Variants in COQ8B observed in about 807,000 individuals in gnomAD.
COQ8B encodes atypical kinase COQ8B, mitochondrial.
A neutral mutation model predicts 62.0 loss-of-function variants in COQ8B; 44 were observed. The ratio of observed to expected loss-of-function variants is 0.71; its 90% CI spans 0.56 to 0.91. The LOEUF (loss-of-function observed/expected upper bound fraction) is 0.91, where lower values mean the gene tolerates loss of function less well. Ranked by LOEUF, COQ8B falls within the 40% of genes least tolerant of loss-of-function variation. The pLI, the probability that COQ8B is intolerant of heterozygous loss-of-function variation, is 0.00. For synonymous variants in COQ8B, 252 were observed against 289.9 expected (o/e 0.87, Z 1.33); for missense variants, 649 against 731.6 (o/e 0.89, Z 1.30).
In COQ8B at chr19:40,696,044, A is replaced by G. The variant is rs2082012499; in HGVS notation, c.1154T>C (p.Leu385Pro). The change falls in exon 13 of 15, where the codon CTG becomes CCG. Residue 385 changes from leucine to proline, a missense_variant. Coordinates refer to ENST00000324464, the MANE Select transcript of COQ8B (RefSeq NM_024876.4). ...AAACTCCCGGCTTGCACCAAAGTCC[A>G]GCAGGGTCACCTGGAAGCAAGGAAT... ...YDASSHQVTLLDFGASREFGT... is the reference protein window; with the variant it reads ...YDASSHQVTLPDFGASREFGT... The G allele has an allele frequency of 6.2e-7, 1 of 1,614,096 alleles. No homozygotes were observed. Among genetic ancestry groups the G allele is most frequent in the Non-Finnish European group, 8.5e-7 (1 of 1,179,992 alleles).
chr19:40,702,972 T>C (rs1456682963), intron 9 of COQ8B, among the ~76,000 whole-genome samples: 2 of 151,532 alleles, frequency 1.3e-5, no homozygotes, highest in Admixed American at 6.6e-5. Flanking sequence ...CCCTCGTCCT[T>C]CATAGCACCA....
At chr19:40,713,960 G>GTC in intron 4 of COQ8B, 107 bp downstream of exon 4, 1 of 1,169,968 alleles carries the variant, frequency 8.5e-7, no homozygotes. Context: ...CTCTTTTTTT[G>GTC]TCTCTCTCTC....
rs1568435534 is a variant in COQ8B, at chr19:40,692,333, C to T, written c.1337G>A (p.Gly446Glu). ...AGGGCCCTGGGTGGCGAAAGGCTCCCCCAGGATCATCACTGCCTCCACGTG... is the reference window on the plus strand; with the variant it reads ...AGGGCCCTGGGTGGCGAAAGGCTCCTCCAGGATCATCACTGCCTCCACGTG... ...DAHVEAVMIL[G>E]EPFATQGPYD... Residue 446 changes from glycine (G) to glutamate (E), a missense_variant, in exon 15 of 15, where the codon GGG becomes GAG. Gly to Glu is a moderately conservative substitution (Grantham distance 98). Coordinates refer to ENST00000324464, the MANE Select transcript of COQ8B (RefSeq NM_024876.4). The T allele has an allele frequency of 1.2e-6, 2 of 1,613,680 alleles. No homozygotes were observed. The highest frequency in any genetic ancestry group is 1.7e-6 in the Non-Finnish European group (2 of 1,179,848).
At chr19:40,693,436 G>A (rs972316518) in intron 13 of COQ8B, among the ~76,000 whole-genome samples, 8 of 152,236 alleles carry the variant, frequency 5.3e-5, no homozygotes, top group East Asian at 1.9e-4. Flanking sequence ...TTTGAGCCCC[G>A]TGAGAGCAAG....
Position 40,714,293 on chromosome 19 carries a change from C to T in COQ8B, c.207G>A (p.Lys69=), listed in dbSNP as rs77640959. The change falls in exon 3 of 15, where the codon AAG becomes AAA. Residue 69 remains lysine (K), a synonymous_variant. Coordinates refer to ENST00000324464, the MANE Select transcript of COQ8B (RefSeq NM_024876.4). Reference sequence around the variant, plus strand: ...GTAATGATACCTGGGGCCGGGGTGTCTTCCTGGGACGGGCCTCCCGTGCCC... The same window carrying T: ...GTAATGATACCTGGGGCCGGGGTGTTTTCCTGGGACGGGCCTCCCGTGCCC... ...IRRAREARPR[K]TPRPQLSDRS... 2.1e-4 allele frequency: 343 copies of T among 1,612,992 alleles called. No homozygotes were observed. The African/African-American group carries it at 4.1e-3, about 19-fold the overall frequency.
chr19:40,713,864 G>A (rs2082162790), intron 4 of COQ8B, among the ~76,000 whole-genome samples: 1 of 150,462 alleles, frequency 6.6e-6, no homozygotes, highest in African/African-American at 2.4e-5. Flanking sequence ...GTGACAAAGT[G>A]AGACTCTGTC....
intron 4 of COQ8B, 123 bp downstream of exon 4, chr19:40,713,944 T>C (rs2082163626): frequency 9.4e-7 from 1 of 1,059,218 alleles, no homozygotes; most frequent in African/African-American, 1.6e-5. Flanking sequence ...GCCCTTGCCT[T>C]TGTCTCTCTT....
chr19:40,702,735 C>A, intron 9 of COQ8B, 42 bp from the exon 10 acceptor site: 1 of 1,583,480 alleles, frequency 6.3e-7, no homozygotes. Context: ...CCCCGAGCGC[C>A]CACTGGTGGA....
Position 40,693,054 on chromosome 19 carries a change from G to A in COQ8B, c.1210-17C>T, listed in dbSNP as rs1219204532. On this transcript the variant is annotated splice_polypyrimidine_tract_variant and intron_variant, in intron 13 of 14. Coordinates refer to ENST00000324464, the MANE Select transcript of COQ8B (RefSeq NM_024876.4). ...CTTCACCACCTGGGGAGACGGGTGG[G>A]AGTTAGAGGGACAAAGGCCGGGGCT... is the stretch of plus-strand genomic sequence containing the variant. 1 of 1,610,370 alleles carries A rather than the reference G, an allele frequency of 6.2e-7. No homozygotes were observed. The highest frequency in any genetic ancestry group is 8.5e-7 in the Non-Finnish European group (1 of 1,177,022).
intron 5 of COQ8B, among the ~76,000 whole-genome samples, chr19:40,706,111 CA>C (rs2082099258): frequency 6.6e-6 from 1 of 152,064 alleles, no homozygotes; most frequent in Non-Finnish European, 1.5e-5. Flanking sequence ...ATGAAATCAT[CA>C]CCCAGTTACA....
chr19:40,692,745 A>T (rs1038164405), intron 14 of COQ8B, among the ~76,000 whole-genome samples: 1 of 151,552 alleles, frequency 6.6e-6, no homozygotes, highest in African/African-American at 2.4e-5. Context: ...AGCATGGATA[A>T]GCATCCCTCC....
chr19:40,702,836 C>T, intron 9 of COQ8B, 143 bp from the exon 10 acceptor site: 1 of 727,248 alleles, frequency 1.4e-6, no homozygotes, highest in Non-Finnish European at 2.4e-6. Flanking sequence ...TGTCCCTCTC[C>T]TGTCTCCCAC....
intron 5 of COQ8B, among the ~76,000 whole-genome samples, chr19:40,707,058 C>A (rs775898419): frequency 6.6e-6 from 1 of 152,152 alleles, no homozygotes. Flanking sequence ...CACTTGAGTT[C>A]ATGAGTTTGA....
At chr19:40,702,823 A>G in intron 9 of COQ8B, 130 bp from the exon 10 acceptor site, 2 of 785,136 alleles carry the variant, frequency 2.5e-6, no homozygotes, top group Non-Finnish European at 4.3e-6. Context: ...TGTGACCCAC[A>G]TCTGTCCCTC....
chr19:40,710,061 G>A lies in COQ8B; in HGVS notation c.365C>T (p.Ser122Leu). ...CCCAGGCAGTGTGGCTCACTCACCTGACTGCAGACGACCTCCTGGCATGGA... is the reference window on the plus strand; with the variant it reads ...CCCAGGCAGTGTGGCTCACTCACCTAACTGCAGACGACCTCCTGGCATGGA... ...KKSMPGGRLQSEGGSGLDSSP... is the reference protein window; with the variant it reads ...KKSMPGGRLQLEGGSGLDSSP... The change falls in exon 5 of 15, where the codon TCA (serine) becomes TTA (leucine). Residue 122 changes from serine to leucine, a missense_variant and splice_region_variant. Physicochemically the swap from Ser to Leu is moderately radical, Grantham distance 145. Transcript: ENST00000324464. The A allele has an allele frequency of 6.2e-7, 1 of 1,613,760 alleles. No homozygotes were observed. Among genetic ancestry groups the A allele is most frequent in the Non-Finnish European group, 8.5e-7 (1 of 1,179,780 alleles).
chr19:40,699,962 C>T, intron 12 of COQ8B, 105 bp downstream of exon 12: 1 of 1,089,180 alleles, frequency 9.2e-7, no homozygotes, highest in Non-Finnish European at 1.4e-6. Flanking sequence ...GCCACCCCTG[C>T]CTATTGTGGG....
At position 40,697,874 on chromosome 19, in the gene COQ8B, A is replaced by AGAGAGAGAGAGAGAGT. The variant is rs202234463; in HGVS notation, c.1144-1821_1144-1820insACTCTCTCTCTCTCTC. Reference sequence around the variant, plus strand: ...TATAGAGAGAGAGAGAGAGAGAGAGAGAGTTTCTACTGGGCGTTCATGCAA... The same window carrying AGAGAGAGAGAGAGAGT: ...TATAGAGAGAGAGAGAGAGAGAGAGAGAGAGAGAGAGAGAGTGAGTTTCTACTGGGCGTTCATGCAA... On this transcript the variant is annotated intron_variant, in intron 12 of 14. Transcript: ENST00000324464. 4.5e-4 allele frequency among the ~76,000 whole-genome samples: 44 copies of AGAGAGAGAGAGAGAGT among 96,986 alleles called. 1 individual carries two copies. The highest frequency in any genetic ancestry group is 1.1e-3 in the African/African-American group (31 of 27,136). The allele number at this position is 96,986 out of a possible 152,430, so 63.6% of individuals were successfully genotyped here. A position where few individuals can be genotyped will look rare whatever the true frequency, so the allele number is the denominator to read the frequency against.
At chr19:40,713,737 T>A (rs566026787) in intron 4 of COQ8B, among the ~76,000 whole-genome samples, 1 of 143,938 alleles carries the variant, frequency 6.9e-6, no homozygotes, top group South Asian at 2.2e-4. Context: ...AAAAAAAAAT[T>A]ACCCGGGCGG....
intron 4 of COQ8B, among the ~76,000 whole-genome samples, chr19:40,711,013 C>G (rs1375765106): frequency 6.6e-6 from 1 of 151,810 alleles, no homozygotes; most frequent in Non-Finnish European, 1.5e-5. Flanking sequence ...TGCCTGTAAT[C>G]CCAGCTACTC....
Sources: gnomAD v4.1 joint callset for allele counts (sites outside exome capture counted in the v4.1 genomes callset) on GRCh38, gnomAD v4.1.1 for gene constraint, MANE v1.5 for transcripts, NCBI Gene and HGNC (gene_info 2026-07-23, HGNC 2026-07-21) for gene names.